Variants in ATP8A2 observed in about 807,000 individuals in gnomAD.
ATP8A2 encodes ATPase phospholipid transporting 8A2.
A neutral mutation model predicts 165.6 loss-of-function variants in ATP8A2; 100 were observed. That is an observed-to-expected ratio of 0.60 (90% CI 0.51 to 0.71). The LOEUF is 0.71. ATP8A2 is among the 30% of genes least tolerant of loss of function. The pLI is 0.00. For synonymous variants in ATP8A2, 543 were observed against 548.8 expected, an observed-to-expected ratio of 0.99 and a Z score of 0.15; for missense variants, 1,227 against 1,479.5, an observed-to-expected ratio of 0.83 and a Z score of 2.80.
intron 33 of ATP8A2, among the ~76,000 whole-genome samples, chr13:25,864,206 T>C (rs2138774870): frequency 6.6e-6 from 1 of 152,274 alleles, no homozygotes; most frequent in African/African-American, 2.4e-5. Flanking sequence ...CCTCAGCCAA[T>C]GGCCATAGAC....
chr13:25,820,425 T>A lies in ATP8A2; in HGVS notation c.2680-7693T>A, dbSNP rs184857392. ...CTCTCTGGGCTTTGACTGTATTCATTTAACAGCATTCCTAGTTAACAAGAA... is the reference window on the plus strand; with the variant it reads ...CTCTCTGGGCTTTGACTGTATTCATATAACAGCATTCCTAGTTAACAAGAA... On this transcript the variant is annotated intron_variant, in intron 27 of 36. Transcript: ENST00000381655. Among the ~76,000 whole-genome samples, 248 of 152,276 alleles carry A rather than the reference T, an allele frequency of 1.6e-3. 1 individual carries two copies. Among genetic ancestry groups the A allele is most frequent in the African/African-American group, 5.7e-3 (237 of 41,550 alleles).
chr13:25,566,009 A>G (rs1432714034), intron 16 of ATP8A2, among the ~76,000 whole-genome samples: 1 of 152,202 alleles, frequency 6.6e-6, no homozygotes, highest in East Asian at 1.9e-4. Flanking sequence ...GAGCAAAATT[A>G]AAAGTTTATC....
At chr13:25,744,458 A>G (rs1017453567) in intron 25 of ATP8A2, among the ~76,000 whole-genome samples, 2 of 152,226 alleles carry the variant, frequency 1.3e-5, no homozygotes, top group Admixed American at 6.5e-5. Flanking sequence ...TTTAGACTGT[A>G]CTTCCCTTAG....
At chr13:25,924,715 A>C (rs1014500543) in intron 33 of ATP8A2, among the ~76,000 whole-genome samples, 2 of 152,180 alleles carry the variant, frequency 1.3e-5, no homozygotes, top group African/African-American at 2.4e-5. Context: ...GTCCCCACCC[A>C]AATCTCACCT....
intron 21 of ATP8A2, among the ~76,000 whole-genome samples, chr13:25,579,388 A>G (rs189215280): frequency 1.6e-3 from 244 of 152,358 alleles, no homozygotes; most frequent in Non-Finnish European, 2.7e-3. Flanking sequence ...GTGCATGCAC[A>G]TATGAGCACA....
chr13:25,644,206 T>G (rs938977978), intron 24 of ATP8A2, among the ~76,000 whole-genome samples: 2 of 152,142 alleles, frequency 1.3e-5, no homozygotes, highest in Non-Finnish European at 2.9e-5. Context: ...TTTTGTACTT[T>G]CCAATTTGGA....
chr13:25,593,777 A>G (rs1218563031), intron 24 of ATP8A2, among the ~76,000 whole-genome samples: 1 of 152,200 alleles, frequency 6.6e-6, no homozygotes, highest in Non-Finnish European at 1.5e-5. Flanking sequence ...AAATATTGCC[A>G]TTCATGTGTA....
Position 25,479,259 on chromosome 13 carries a change from G to A in ATP8A2, c.221+10138G>A, listed in dbSNP as rs1050002431. 5.3e-5 allele frequency among the ~76,000 whole-genome samples: 8 copies of A among 152,138 alleles called. No homozygotes were observed. In the East Asian group the frequency reaches 7.7e-4, roughly 15 times the overall value. ...CAGTACATATTTACCAAGATTCTCC[G>A]TTAAGGATTATGGATGTAAGTACAT... On this transcript the variant is annotated intron_variant, in intron 2 of 36. Transcript: ENST00000381655.
intron 33 of ATP8A2, among the ~76,000 whole-genome samples, chr13:25,904,480 G>A (rs1020399433): frequency 1.6e-4 from 24 of 152,186 alleles, no homozygotes; most frequent in Non-Finnish European, 3.5e-4. Flanking sequence ...TTTTGGCCTC[G>A]TGTCCTGCCC....
rs1161206376 is a variant in ATP8A2, at chr13:26,023,184, C to G, written c.*3199C>G. 1 of 152,240 alleles carries G rather than the reference C, an allele frequency of 6.6e-6. No individual in the cohort carries two copies. The highest frequency in any genetic ancestry group is 2.4e-5 in the African/African-American group (1 of 41,434). The allele number at this position is 152,240 out of a possible 1,614,324, so 9.4% of individuals were successfully genotyped here. Reference sequence around the variant, plus strand: ...TGTCCTGCCTCAGTGCAGAATATTCCAGGCTTCTTGACCAGGGTTATGTTC... The same window carrying G: ...TGTCCTGCCTCAGTGCAGAATATTCGAGGCTTCTTGACCAGGGTTATGTTC... On this transcript the variant is annotated 3_prime_UTR_variant, in exon 37 of 37. Coordinates refer to ENST00000381655, the MANE Select transcript of ATP8A2 (RefSeq NM_016529.6).
intron 24 of ATP8A2, among the ~76,000 whole-genome samples, chr13:25,633,760 G>A (rs1193269771): frequency 6.6e-6 from 1 of 152,050 alleles, no homozygotes; most frequent in Admixed American, 6.6e-5. Flanking sequence ...TGGATCACTC[G>A]AGCCCAGGAG....
chr13:25,514,975 T>A (rs2137803007), intron 2 of ATP8A2, among the ~76,000 whole-genome samples: 1 of 152,326 alleles, frequency 6.6e-6, no homozygotes, highest in Middle Eastern at 3.4e-3. Context: ...ATTCTGAGTG[T>A]CTGCGAGGGG....
At chr13:25,390,728 G>A (rs1301866685) in intron 1 of ATP8A2, among the ~76,000 whole-genome samples, 2 of 152,030 alleles carry the variant, frequency 1.3e-5, no homozygotes, top group Admixed American at 6.5e-5. Flanking sequence ...TCAGGAGTTC[G>A]AGACCAGCCA....
At chr13:25,399,706 GTTC>G (rs879842287) in intron 1 of ATP8A2, among the ~76,000 whole-genome samples, 13 of 151,668 alleles carry the variant, frequency 8.6e-5, no homozygotes, top group East Asian at 7.8e-4. Flanking sequence ...CCGGCCCGTG[GTTC>G]TTCTTTTTCT....
At chr13:25,562,312 A>G (rs1431098384) in intron 15 of ATP8A2, among the ~76,000 whole-genome samples, 3 of 152,236 alleles carry the variant, frequency 2.0e-5, no homozygotes, top group East Asian at 3.9e-4. Context: ...TTGTTTTATA[A>G]TAGCCATCCT....
At chr13:25,437,351 A>C (rs1181818439) in intron 1 of ATP8A2, among the ~76,000 whole-genome samples, 2 of 152,208 alleles carry the variant, frequency 1.3e-5, no homozygotes, top group Non-Finnish European at 2.9e-5. Flanking sequence ...TAACCTTCTC[A>C]ATCAGATTCA....
intron 28 of ATP8A2, among the ~76,000 whole-genome samples, chr13:25,830,010 A>ATT (rs1260599733): frequency 2.8e-4 from 39 of 138,926 alleles, no homozygotes; most frequent in Admixed American, 5.8e-4. Context: ...AGTTTTTGCA[A>ATT]TTTTTTTTTT....
At chr13:25,647,066 T>C (rs566072088) in intron 24 of ATP8A2, among the ~76,000 whole-genome samples, 2 of 152,362 alleles carry the variant, frequency 1.3e-5, no homozygotes, top group South Asian at 4.1e-4. Context: ...TTGTAATATG[T>C]ATTCCTTCGT....
intron 24 of ATP8A2, among the ~76,000 whole-genome samples, chr13:25,607,667 T>C (rs1350443177): frequency 1.3e-5 from 2 of 152,182 alleles, no homozygotes; most frequent in African/African-American, 4.8e-5. Flanking sequence ...TCCAGTTCCA[T>C]TGCCAGCTGT....
Sources: gnomAD v4.1 joint callset for allele counts (sites outside exome capture counted in the v4.1 genomes callset) on GRCh38, gnomAD v4.1.1 for gene constraint, MANE v1.5 for transcripts, NCBI Gene and HGNC (gene_info 2026-07-23, HGNC 2026-07-21) for gene names.